ABCG8: variants seen among roughly 807,000 people sequenced by gnomAD.
ABCG8 encodes ATP-binding cassette sub-family G member 8.
A neutral mutation model predicts 71.3 loss-of-function variants in ABCG8; 81 were observed. The ratio of observed to expected loss-of-function variants is 1.14; its 90% confidence interval spans 0.95 to 1.37. ABCG8 has a LOEUF of 1.37. ABCG8 is among the 40% of genes most tolerant of loss of function. The pLI, the probability that ABCG8 is intolerant of heterozygous loss-of-function variation, is 0.00. For missense variants in ABCG8, 1,119 were observed against 866.2 expected, an observed-to-expected ratio of 1.29 and a Z score of -3.66; for synonymous variants, 451 against 354.7, an observed-to-expected ratio of 1.27 and a Z score of -3.05.
chr2:43,840,881 G>A (rs1310419147), intron 1 of ABCG8, among the ~76,000 whole-genome samples: 1 of 152,074 alleles, frequency 6.6e-6, no homozygotes, highest in Non-Finnish European at 1.5e-5. Flanking sequence ...TACTTCTCTG[G>A]CCTAAAAGTC....
chr2:43,840,466 C>G (rs1489287863), intron 1 of ABCG8, among the ~76,000 whole-genome samples: 1 of 152,192 alleles, frequency 6.6e-6, no homozygotes, highest in East Asian at 1.9e-4. Flanking sequence ...CACGCAGGCC[C>G]TGCCATTTCT....
chr2:43,863,406 T>G (rs2104934320), intron 6 of ABCG8, among the ~76,000 whole-genome samples: 1 of 151,602 alleles, frequency 6.6e-6, no homozygotes, highest in African/African-American at 2.4e-5. Context: ...GCTATTCATC[T>G]AGAGAGAATT....
At chr2:43,839,272 C>T (rs900750308) in intron 1 of ABCG8, among the ~76,000 whole-genome samples, 156 bp downstream of exon 1, 9 of 152,018 alleles carry the variant, frequency 5.9e-5, no homozygotes, top group Admixed American at 1.3e-4. Flanking sequence ...TGTCAAAGGG[C>T]GGAGGGGAAC....
At chr2:43,848,253 A>C (rs1181040842) in intron 3 of ABCG8, 1 of 152,240 alleles carries the variant, frequency 6.6e-6, no homozygotes, top group African/African-American at 2.4e-5. Flanking sequence ...GGCTCCCCCA[A>C]GCAATTTGGT....
At chr2:43,874,030 C>T in intron 9 of ABCG8, 44 bp downstream of exon 9, 2 of 1,601,554 alleles carry the variant, frequency 1.2e-6, no homozygotes, top group Non-Finnish European at 1.7e-6. Flanking sequence ...CCTCAGCCAC[C>T]TCCAAGCTGT....
intron 8 of ABCG8, 50 bp downstream of exon 8, chr2:43,872,356 T>G (rs1669813484): frequency 1.3e-6 from 2 of 1,551,760 alleles, no homozygotes; most frequent in Non-Finnish European, 1.8e-6. Context: ...CCCAAGTCTT[T>G]GTATATCACA....
chr2:43,871,957 C>G lies in ABCG8; in HGVS notation c.965-19C>G. 1 of 1,613,928 alleles carries G rather than the reference C, an allele frequency of 6.2e-7. No individual in the cohort carries two copies. Among genetic ancestry groups the G allele is most frequent in the Non-Finnish European group, 8.5e-7 (1 of 1,180,034 alleles). On this transcript the variant is annotated intron_variant, in intron 6 of 12. Transcript: ENST00000272286. ...GCCAGGGAACAGGCCACCTGTGACT[C>G]CACATCCCCTGCTTGCAGTGGACCT...
Position 43,877,781 on chromosome 2 carries a change from C to T in ABCG8, c.1890C>T (p.Leu630=). 1 of 1,614,186 alleles carries T rather than the reference C, an allele frequency of 6.2e-7. No individual in the cohort carries two copies. Among genetic ancestry groups the T allele is most frequent in the East Asian group, 2.2e-5 (1 of 44,878 alleles). ...CTGCATGTCTGTGTCTCCAGATCCT[C>T]AGTGTCATGGAGCTGGACTCGTACC... The part of the protein sequence containing the change: ...LTIAVSGDKI[L]SVMELDSYPL... The change falls in exon 13 of 13, where the codon CTC becomes CTT. Residue 630 remains leucine, a synonymous_variant. Transcript: ENST00000272286.
At chr2:43,849,021 T>TAAA (rs1193216137) in intron 3 of ABCG8, among the ~76,000 whole-genome samples, 1,113 of 54,666 alleles carry the variant, frequency 0.02, 38 homozygotes, top group African/African-American at 0.082. Context: ...AAACACTGTC[T>TAAA]AAAAAAAAAA....
chr2:43,860,539 C>G (rs1669274367), intron 6 of ABCG8, among the ~76,000 whole-genome samples: 1 of 151,510 alleles, frequency 6.6e-6, no homozygotes, highest in South Asian at 2.1e-4. Context: ...AGAATTCTCA[C>G]TCTCTCGATT....
At chr2:43,872,372 C>A in intron 8 of ABCG8, 66 bp downstream of exon 8, 1 of 1,492,300 alleles carries the variant, frequency 6.7e-7, no homozygotes, top group Non-Finnish European at 9.2e-7. Context: ...TCACATTAAG[C>A]CCTTTCTATT....
At chr2:43,867,746 T>C (rs1348430956) in intron 6 of ABCG8, among the ~76,000 whole-genome samples, 1 of 152,122 alleles carries the variant, frequency 6.6e-6, no homozygotes, top group Non-Finnish European at 1.5e-5. Context: ...ATTCTCACCC[T>C]CTGGATAGAA....
intron 9 of ABCG8, 24 bp downstream of exon 9, chr2:43,874,010 G>A (rs1462944999): frequency 6.2e-7 from 1 of 1,612,660 alleles, no homozygotes; most frequent in East Asian, 2.2e-5. Context: ...ACTGGCATGG[G>A]CAGGCAGGAC....
rs540922137 is a variant in ABCG8 at position 43,861,940 on chromosome 2, C to T, written c.964+9072C>T. On this transcript the variant is annotated intron_variant, in intron 6 of 12. Transcript: ENST00000272286. Reference sequence around the variant, plus strand: ...TCTGGATAGAACTCTCACTATCTACCTCGATATAATTCTCACTCTCTGGAT... The same window carrying T: ...TCTGGATAGAACTCTCACTATCTACTTCGATATAATTCTCACTCTCTGGAT... Among the ~76,000 whole-genome samples the T allele has an allele frequency of 3.3e-5, 5 of 150,524 alleles. No homozygotes were observed. In the South Asian group the frequency reaches 1.1e-3, roughly 32 times the overall value.
chr2:43,863,789 T>A (rs1345896398), intron 6 of ABCG8, among the ~76,000 whole-genome samples: 1 of 151,590 alleles, frequency 6.6e-6, no homozygotes, highest in Non-Finnish European at 1.5e-5. Flanking sequence ...ATTCTCACTC[T>A]GTGGATAGGA....
At chr2:43,843,832 T>G (rs768607071) in intron 1 of ABCG8, among the ~76,000 whole-genome samples, 1 of 152,124 alleles carries the variant, frequency 6.6e-6, no homozygotes, top group Non-Finnish European at 1.5e-5. Flanking sequence ...ATACCACCAC[T>G]TCGACAATAA....
Position 43,882,381 on chromosome 2 carries a change from A to G in ABCG8, c.*4468A>G, listed in dbSNP as rs970088862. 2.6e-5 allele frequency: 4 copies of G among 152,238 alleles called. No homozygotes were observed. Among genetic ancestry groups the G allele is most frequent in the Non-Finnish European group, 5.9e-5 (4 of 68,046 alleles). 9.4% of individuals were successfully genotyped at this position (152,238 alleles called of 1,614,324 possible). ...TCCTCATAGTGGCTTAGCACAGCAT[A>G]CAGACCACTTTCCTTTGGCCCAACC... On this transcript the variant is annotated 3_prime_UTR_variant, in exon 13 of 13. Coordinates refer to ENST00000272286, the MANE Select transcript of ABCG8 (RefSeq NM_022437.3).
At position 43,839,024 on chromosome 2, in the gene ABCG8, G is replaced by A. The variant is rs1206603776; in HGVS notation, c.-30G>A. ...GGCAGCAGCTGGGTCTAAGAGAGCT[G>A]CAGCCCAGGGTCACAGACCTGTGGG... On this transcript the variant is annotated 5_prime_UTR_variant, in exon 1 of 13. Coordinates refer to ENST00000272286, the MANE Select transcript of ABCG8 (RefSeq NM_022437.3). 6.5e-7 allele frequency: 1 copy of A among 1,549,644 alleles called. No individual in the cohort carries two copies. The highest frequency in any genetic ancestry group is 1.2e-5 in the South Asian group (1 of 83,970).
At chr2:43,867,606 G>T (rs1477872279) in intron 6 of ABCG8, among the ~76,000 whole-genome samples, 1 of 152,064 alleles carries the variant, frequency 6.6e-6, no homozygotes, top group Non-Finnish European at 1.5e-5. Context: ...TGTCTGGATA[G>T]AATTCTCAAT....
Sources: gnomAD v4.1 joint callset for allele counts (sites outside exome capture counted in the v4.1 genomes callset) on GRCh38, gnomAD v4.1.1 for gene constraint, MANE v1.5 for transcripts, NCBI Gene and HGNC (gene_info 2026-07-23, HGNC 2026-07-21) for gene names.